LIN28B: variants seen among roughly 807,000 people sequenced by gnomAD.
LIN28B encodes the protein lin-28 RNA binding posttranscriptional regulator B.
A neutral mutation model predicts 21.9 loss-of-function variants in LIN28B; 5 were observed. That is an observed-to-expected ratio of 0.23 (90% CI 0.12 to 0.48). The LOEUF is 0.48. Among genes scored for constraint, LIN28B ranks in the 20% least tolerant of loss-of-function variants. The pLI is 0.98. For synonymous variants in LIN28B, 109 were observed against 111.3 expected, an observed-to-expected ratio of 0.98 and a Z score of 0.13; for missense variants, 245 against 310.5, an observed-to-expected ratio of 0.79 and a Z score of 1.58.
At position 105,031,693 on chromosome 6, in the gene LIN28B, G is replaced by T. The variant is rs62419617; in HGVS notation, c.383+5211G>T. Among the ~76,000 whole-genome samples the T allele has an allele frequency of 3.8e-4, 58 of 151,736 alleles. No homozygotes were observed. In the Middle Eastern group the frequency reaches 0.01, roughly 27 times the overall value. On this transcript the variant is annotated intron_variant, in intron 3 of 3. Coordinates refer to ENST00000345080, the MANE Select transcript of LIN28B (RefSeq NM_001004317.4). ...GGACCACAGGCACCCACCACCACAC[G>T]TCGCTAATTTTTTATATTTTTTTAG... is the stretch of plus-strand genomic sequence containing the variant.
chr6:105,036,297 A>G (rs920811796), intron 3 of LIN28B, among the ~76,000 whole-genome samples: 2 of 152,216 alleles, frequency 1.3e-5, no homozygotes, highest in African/African-American at 2.4e-5. Context: ...TTGAATAACT[A>G]AACTATTGCA....
intron 3 of LIN28B, among the ~76,000 whole-genome samples, chr6:105,050,399 G>A (rs886505541): frequency 2.6e-5 from 4 of 151,526 alleles, no homozygotes; most frequent in African/African-American, 7.3e-5. Flanking sequence ...TCAGGAAATC[G>A]AGACCATCCT....
At chr6:105,073,160 A>T (rs559387333) in intron 3 of LIN28B, among the ~76,000 whole-genome samples, 26 of 152,236 alleles carry the variant, frequency 1.7e-4, no homozygotes, top group African/African-American at 6.3e-4. Context: ...CCATGTGTTC[A>T]GTTGATTGGC....
At chr6:104,959,589 T>C (rs1050010666) in intron 2 of LIN28B, among the ~76,000 whole-genome samples, 4 of 152,200 alleles carry the variant, frequency 2.6e-5, no homozygotes, top group Non-Finnish European at 4.4e-5. Flanking sequence ...TATTGGCTGT[T>C]TATATGTGGA....
intron 2 of LIN28B, among the ~76,000 whole-genome samples, chr6:104,987,250 A>G (rs978661202): frequency 1.3e-5 from 2 of 151,952 alleles, no homozygotes; most frequent in African/African-American, 4.8e-5. Flanking sequence ...TTTACATTTT[A>G]TTTTCCACTT....
intron 2 of LIN28B, among the ~76,000 whole-genome samples, chr6:104,966,811 T>C (rs1769869644): frequency 6.6e-6 from 1 of 152,040 alleles, no homozygotes; most frequent in South Asian, 2.1e-4. Context: ...TTAGTAGAGA[T>C]GGGGTTTCAC....
intron 2 of LIN28B, among the ~76,000 whole-genome samples, chr6:105,010,611 G>A (rs1770904212): frequency 6.6e-6 from 1 of 151,976 alleles, no homozygotes; most frequent in Non-Finnish European, 1.5e-5. Flanking sequence ...ATACCTCTGT[G>A]GATTCATCTG....
At chr6:105,007,822 A>G (rs1770847065) in intron 2 of LIN28B, among the ~76,000 whole-genome samples, 1 of 151,574 alleles carries the variant, frequency 6.6e-6, no homozygotes. Context: ...AAATTAAAAA[A>G]AGTAGAGAGA....
At chr6:105,034,504 G>T (rs1771487093) in intron 3 of LIN28B, among the ~76,000 whole-genome samples, 1 of 151,974 alleles carries the variant, frequency 6.6e-6, no homozygotes, top group African/African-American at 2.4e-5. Context: ...GAAGCTTGGG[G>T]AATTTCTTTA....
At chr6:104,966,229 A>C (rs1769855448) in intron 2 of LIN28B, among the ~76,000 whole-genome samples, 1 of 152,192 alleles carries the variant, frequency 6.6e-6, no homozygotes, top group Non-Finnish European at 1.5e-5. Flanking sequence ...CGGCTCTGCC[A>C]GTTGGTTGGT....
intron 2 of LIN28B, among the ~76,000 whole-genome samples, chr6:104,990,848 A>G (rs922632989): frequency 6.6e-6 from 1 of 152,198 alleles, no homozygotes; most frequent in African/African-American, 2.4e-5. Flanking sequence ...GAGTGGACAC[A>G]GCACATGTTT....
At chr6:104,945,826 A>G (rs1195009592) in intron 2 of LIN28B, among the ~76,000 whole-genome samples, 2 of 152,116 alleles carry the variant, frequency 1.3e-5, no homozygotes, top group African/African-American at 4.8e-5. Flanking sequence ...TATCTGTGCC[A>G]TAATATTGCC....
intron 3 of LIN28B, among the ~76,000 whole-genome samples, chr6:105,068,627 A>G (rs1219199647): frequency 6.6e-6 from 1 of 152,220 alleles, no homozygotes; most frequent in African/African-American, 2.4e-5. Context: ...ACGATTTATT[A>G]TGCAACAGAA....
intron 2 of LIN28B, among the ~76,000 whole-genome samples, chr6:104,946,453 G>A (rs1159969807): frequency 1.3e-5 from 2 of 152,138 alleles, no homozygotes; most frequent in African/African-American, 2.4e-5. Context: ...TTACAGTAAG[G>A]TTTGTAATAG....
chr6:105,030,028 C>T (rs1245327631), intron 3 of LIN28B, among the ~76,000 whole-genome samples: 1 of 152,150 alleles, frequency 6.6e-6, no homozygotes, highest in Non-Finnish European at 1.5e-5. Context: ...CAACTCCTTA[C>T]TCTTACTGTG....
chr6:105,049,960 G>T (rs1333693959), intron 3 of LIN28B, among the ~76,000 whole-genome samples: 4 of 152,092 alleles, frequency 2.6e-5, no homozygotes, highest in Non-Finnish European at 4.4e-5. Context: ...TATCCAATTT[G>T]CCAGTCTGTG....
intron 3 of LIN28B, among the ~76,000 whole-genome samples, chr6:105,052,411 G>GT (rs1392838160): frequency 6.6e-6 from 1 of 152,144 alleles, no homozygotes; most frequent in African/African-American, 2.4e-5. Context: ...CATCTGGCAA[G>GT]TGCCCTCTTG....
At chr6:104,973,460 A>G (rs928793786) in intron 2 of LIN28B, among the ~76,000 whole-genome samples, 20 of 152,256 alleles carry the variant, frequency 1.3e-4, no homozygotes, top group African/African-American at 4.8e-4. Context: ...TTATAATTTG[A>G]TCTGCCACCA....
chr6:104,956,007 A>G (rs1246273279), upstream of LIN28B, among the ~76,000 whole-genome samples: 2 of 152,178 alleles, frequency 1.3e-5, no homozygotes, highest in Admixed American at 1.3e-4. Flanking sequence ...TAGGAGCTTC[A>G]TCCGTTGTTA....
Sources: gnomAD v4.1 joint callset for allele counts (sites outside exome capture counted in the v4.1 genomes callset) on GRCh38, gnomAD v4.1.1 for gene constraint, MANE v1.5 for transcripts, NCBI Gene and HGNC (gene_info 2026-07-23, HGNC 2026-07-21) for gene names.